LANCL2: variants seen among roughly 807,000 people sequenced by gnomAD.
LANCL2 encodes LanC like glutathione S-transferase 2, also known as lanC-like protein 2.
LANCL2 carries 33 observed loss-of-function variants against 56.9 expected under a neutral mutation model. That is an observed-to-expected ratio of 0.58 (90% CI 0.44 to 0.78). LANCL2 has a LOEUF of 0.78. Among genes scored for constraint, LANCL2 ranks in the 30% least tolerant of loss-of-function variants. LANCL2 has a pLI of 0.00. For synonymous variants in LANCL2, 233 were observed against 228.2 expected, an observed-to-expected ratio of 1.02 and a Z score of -0.19; for missense variants, 562 against 580.2, an observed-to-expected ratio of 0.97 and a Z score of 0.32.
At chr7:55,404,312 TTTC>T (rs1013792773) in intron 5 of LANCL2, among the ~76,000 whole-genome samples, 27 of 152,296 alleles carry the variant, frequency 1.8e-4, no homozygotes, top group African/African-American at 6.5e-4. Context: ...CTCCTCCTTC[TTTC>T]TTCTTCTTTT....
At chr7:55,395,258 G>A (rs12718963) in intron 2 of LANCL2, among the ~76,000 whole-genome samples, 53,574 of 151,924 alleles carry the variant, frequency 0.35, 9,936 homozygotes, top group African/African-American at 0.43. Context: ...AAATTTCTCA[G>A]TGGAGGGAGA....
intron 6 of LANCL2, among the ~76,000 whole-genome samples, chr7:55,413,002 T>A (rs1790487892): frequency 6.6e-6 from 1 of 152,224 alleles, no homozygotes; most frequent in South Asian, 2.1e-4. Context: ...CTCTCATGAT[T>A]TAGGCTAATT....
intron 5 of LANCL2, among the ~76,000 whole-genome samples, chr7:55,402,101 C>T (rs1278900889): frequency 2.2e-5 from 2 of 91,658 alleles, no homozygotes; most frequent in African/African-American, 8.2e-5. Context: ...GGGCTCCTCA[C>T]TTCCCAGTAG....
At chr7:55,424,236 A>G (rs767933178) in intron 6 of LANCL2, among the ~76,000 whole-genome samples, 4 of 152,208 alleles carry the variant, frequency 2.6e-5, no homozygotes, top group Non-Finnish European at 4.4e-5. Context: ...GAAAATGTAC[A>G]AGGGAATCTC....
intron 3 of LANCL2, among the ~76,000 whole-genome samples, chr7:55,399,657 T>G (rs910743895): frequency 6.6e-6 from 1 of 152,226 alleles, no homozygotes. Context: ...GTACCATTTT[T>G]ATTTAAATTT....
intron 1 of LANCL2, among the ~76,000 whole-genome samples, chr7:55,374,235 A>C (rs575647679): frequency 6.6e-6 from 1 of 152,322 alleles, no homozygotes; most frequent in Non-Finnish European, 1.5e-5. Flanking sequence ...TATATCCCCT[A>C]CGAAGCATAC....
chr7:55,429,068 A>G (rs1790699237), intron 8 of LANCL2, among the ~76,000 whole-genome samples: 1 of 152,182 alleles, frequency 6.6e-6, no homozygotes, highest in African/African-American at 2.4e-5. Context: ...CTGTTTGCTA[A>G]CATTTTGGTA....
chr7:55,429,810 G>A (rs537137739), intron 8 of LANCL2, among the ~76,000 whole-genome samples: 1 of 152,372 alleles, frequency 6.6e-6, no homozygotes, highest in South Asian at 2.1e-4. Flanking sequence ...CTCCCTAAAG[G>A]CGGGAAGTTA....
intron 8 of LANCL2, 96 bp downstream of exon 8, chr7:55,428,543 G>C (rs937825643): frequency 5.4e-6 from 5 of 920,440 alleles, no homozygotes; most frequent in Non-Finnish European, 8.9e-6. Context: ...CCTGGCTCAA[G>C]TAATACTTCC....
At chr7:55,381,267 A>G (rs1790065659) in intron 1 of LANCL2, among the ~76,000 whole-genome samples, 1 of 152,172 alleles carries the variant, frequency 6.6e-6, no homozygotes, top group Non-Finnish European at 1.5e-5. Flanking sequence ...TTTCATTTAC[A>G]TGGTGCACTC....
At chr7:55,403,729 C>T (rs1350057785) in intron 5 of LANCL2, among the ~76,000 whole-genome samples, 4 of 151,744 alleles carry the variant, frequency 2.6e-5, no homozygotes, top group Non-Finnish European at 5.9e-5. Context: ...GCACTACCAC[C>T]TCCAGCTAAT....
intron 7 of LANCL2, 42 bp from the exon 8 acceptor site, chr7:55,428,333 G>A: frequency 6.4e-7 from 1 of 1,551,166 alleles, no homozygotes; most frequent in Non-Finnish European, 8.9e-7. Flanking sequence ...CTTTTCACCA[G>A]GTAGAAACTC....
rs977413277 is a variant in LANCL2 at position 55,431,492 on chromosome 7, A to T, written c.*172A>T. Reference sequence around the variant, plus strand: ...CCATCCATCAACATTTTCTAACAGCACCCTCATCAATATAAAATATGACTT... The same window carrying T: ...CCATCCATCAACATTTTCTAACAGCTCCCTCATCAATATAAAATATGACTT... On this transcript the variant is annotated 3_prime_UTR_variant, in exon 9 of 9. Coordinates refer to ENST00000254770, the MANE Select transcript of LANCL2 (RefSeq NM_018697.4). 1.5e-5 allele frequency: 8 copies of T among 550,128 alleles called. No individual in the cohort carries two copies. In the Admixed American group the frequency reaches 2.8e-4, roughly 19 times the overall value. The allele number at this position is 550,128 out of a possible 1,614,324, so 34.1% of individuals were successfully genotyped here. A position where few individuals can be genotyped will look rare whatever the true frequency, so the allele number is the denominator to read the frequency against.
At position 55,398,345 on chromosome 7, in the gene LANCL2, A is replaced by C. The variant is rs530999116; in HGVS notation, c.323-78A>C. ...AGATTTATGTAGAAGAAGGTATTTCATGTAATTATAAATAATGTCCTGAAG... is the reference window on the plus strand; with the variant it reads ...AGATTTATGTAGAAGAAGGTATTTCCTGTAATTATAAATAATGTCCTGAAG... On this transcript the variant is annotated intron_variant, in intron 2 of 8. Coordinates refer to ENST00000254770, the MANE Select transcript of LANCL2 (RefSeq NM_018697.4). 43 of 1,036,236 alleles carry C rather than the reference A, an allele frequency of 4.1e-5. No homozygotes were observed. The East Asian group carries it at 9.8e-4, about 24-fold the overall frequency. The allele number at this position is 1,036,236 out of a possible 1,614,324, so 64.2% of individuals were successfully genotyped here.
intron 6 of LANCL2, among the ~76,000 whole-genome samples, chr7:55,420,094 A>C (rs1265249264): frequency 6.8e-6 from 1 of 147,186 alleles, no homozygotes; most frequent in African/African-American, 2.5e-5. Flanking sequence ...AAAATAAATA[A>C]AATTTCTTTC....
At chr7:55,381,017 G>A (rs1052611937) in intron 1 of LANCL2, among the ~76,000 whole-genome samples, 8 of 151,960 alleles carry the variant, frequency 5.3e-5, no homozygotes, top group Admixed American at 2.6e-4. Flanking sequence ...GATTACACGC[G>A]TGTGCCACCA....
Position 55,369,066 on chromosome 7 carries a change from C to T in LANCL2, c.204+2837C>T, listed in dbSNP as rs138222213. ...ATGATGGAGGCAGAGATTGGAATTGCCAGCCAACACCAGAAACTAGGAGAG... is the reference window on the plus strand; with the variant it reads ...ATGATGGAGGCAGAGATTGGAATTGTCAGCCAACACCAGAAACTAGGAGAG... On this transcript the variant is annotated intron_variant, in intron 1 of 8. Transcript: ENST00000254770. Among the ~76,000 whole-genome samples the T allele has an allele frequency of 5.7e-3, 872 of 152,238 alleles. 5 individuals are homozygous for T. The highest frequency in any genetic ancestry group is 0.018 in the African/African-American group (764 of 41,536).
intron 1 of LANCL2, among the ~76,000 whole-genome samples, chr7:55,371,053 C>T (rs887579944): frequency 1.3e-5 from 2 of 152,196 alleles, no homozygotes; most frequent in African/African-American, 4.8e-5. Flanking sequence ...AATCTATTCA[C>T]TTAGCGTGAA....
chr7:55,372,204 T>G (rs1789951078), intron 1 of LANCL2, among the ~76,000 whole-genome samples: 1 of 152,220 alleles, frequency 6.6e-6, no homozygotes, highest in Non-Finnish European at 1.5e-5. Context: ...GGAAAGATAT[T>G]GACGTGGAAG....
Sources: allele counts gnomAD v4.1 joint callset (sites outside exome capture counted in the v4.1 genomes callset), GRCh38; gene constraint gnomAD v4.1.1; transcripts MANE v1.5; gene names NCBI Gene and HGNC (gene_info 2026-07-23, HGNC 2026-07-21).